The following CSMD2 variants were observed in gnomAD, a reference collection of about 807,000 sequenced individuals.
CSMD2 encodes the protein CUB and Sushi multiple domains 2.
A neutral mutation model predicts 398.5 loss-of-function variants in CSMD2; 130 were observed. The observed-to-expected ratio is 0.33, with a 90% CI of 0.28 to 0.38. The LOEUF (loss-of-function observed/expected upper bound fraction) is 0.38, where lower values mean the gene tolerates loss of function less well. Among genes scored for constraint, CSMD2 ranks in the 10% least tolerant of loss-of-function variants. The pLI, the probability that CSMD2 is intolerant of heterozygous loss-of-function variation, is 1.00. For missense variants in CSMD2, 3,829 were observed against 4,764.9 expected (o/e 0.80, Z 5.78); for synonymous variants, 1,828 against 1,908.5 (o/e 0.96, Z 1.10).
At chr1:33,871,532 G>A (rs919405954) in intron 5 of CSMD2, among the ~76,000 whole-genome samples, 2 of 152,170 alleles carry the variant, frequency 1.3e-5, no homozygotes, top group Non-Finnish European at 2.9e-5. Flanking sequence ...AAGGTCAAAG[G>A]GCTGCATCTG....
intron 5 of CSMD2, among the ~76,000 whole-genome samples, chr1:33,890,548 T>A (rs889970609): frequency 6.6e-6 from 1 of 151,554 alleles, no homozygotes; most frequent in Non-Finnish European, 1.5e-5. Flanking sequence ...TAAAATTAAA[T>A]TTTTTTTTGT....
chr1:34,140,672 G>A (rs1475973143), intron 1 of CSMD2, among the ~76,000 whole-genome samples: 1 of 152,148 alleles, frequency 6.6e-6, no homozygotes, highest in Non-Finnish European at 1.5e-5. Context: ...AGATTACTAT[G>A]CCCCTTACAC....
intron 1 of CSMD2, among the ~76,000 whole-genome samples, chr1:34,111,756 C>T (rs886892078): frequency 6.6e-6 from 1 of 152,094 alleles, no homozygotes; most frequent in Non-Finnish European, 1.5e-5. Flanking sequence ...ATAGGCTCTA[C>T]CACCTCACTG....
chr1:33,938,435 T>C (rs1375508656), intron 3 of CSMD2, among the ~76,000 whole-genome samples: 3 of 151,606 alleles, frequency 2.0e-5, no homozygotes, highest in Non-Finnish European at 4.4e-5. Context: ...TGTTGCTGGC[T>C]TACTTGGCAT....
chr1:34,038,462 T>G (rs950452118), intron 2 of CSMD2, among the ~76,000 whole-genome samples: 2 of 152,248 alleles, frequency 1.3e-5, no homozygotes, highest in African/African-American at 4.8e-5. Context: ...CCTTATTGTC[T>G]TCTCATTTTC....
At chr1:34,145,745 T>C (rs1051759593) in intron 1 of CSMD2, among the ~76,000 whole-genome samples, 3 of 152,128 alleles carry the variant, frequency 2.0e-5, no homozygotes, top group African/African-American at 4.8e-5. Context: ...CCCCTCCCCA[T>C]GGCAGTCTCA....
At chr1:34,151,023 G>GC (rs1347545530) in intron 1 of CSMD2, among the ~76,000 whole-genome samples, 6 of 152,186 alleles carry the variant, frequency 3.9e-5, no homozygotes, top group Non-Finnish European at 7.3e-5. Context: ...CCCAAGCACA[G>GC]CCTGCTGCTT....
At chr1:33,774,838 A>C (rs928725331) in intron 12 of CSMD2, among the ~76,000 whole-genome samples, 4 of 152,070 alleles carry the variant, frequency 2.6e-5, no homozygotes, top group African/African-American at 9.7e-5. Flanking sequence ...ACATCCACCC[A>C]CCCATCACTT....
In CSMD2 at chr1:34,020,952, A is replaced by G. The variant is rs1472455817; in HGVS notation, c.517+11642T>C. On this transcript the variant is annotated intron_variant, in intron 3 of 70. Coordinates refer to ENST00000373381, the MANE Select transcript of CSMD2 (RefSeq NM_001281956.2). ...CAACTCCTATCATGTAACGGCATCC[A>G]CAGGGGAAGGACAGGGATGCCATCT... Among the ~76,000 whole-genome samples the G allele has an allele frequency of 8.9e-4, 135 of 152,292 alleles. 2 individuals are homozygous for G. Among genetic ancestry groups the G allele is most frequent in the Non-Finnish European group, 1.0e-4 (7 of 68,024 alleles).
rs1187743281 is a variant in CSMD2 at position 33,518,846 on chromosome 1, A to G, written c.*53+619T>C. Among the ~76,000 whole-genome samples, 3 of 152,116 alleles carry G rather than the reference A, an allele frequency of 2.0e-5. No homozygotes were observed. The highest frequency in any genetic ancestry group is 7.2e-5 in the African/African-American group (3 of 41,412). ...TATATTTATTTATATTTCTATCTCT[A>G]TATAACATTTACATATAGCTCTACG... is the stretch of plus-strand genomic sequence containing the variant. On this transcript the variant is annotated intron_variant, in intron 70 of 70. Transcript: ENST00000373381. This position sits in a 1 kb window ranked among gnomAD's most constrained non-coding sequence, Gnocchi z 4.3.
intron 25 of CSMD2, among the ~76,000 whole-genome samples, chr1:33,670,359 C>G (rs533469593): frequency 6.6e-6 from 1 of 152,220 alleles, no homozygotes; most frequent in Non-Finnish European, 1.5e-5. Flanking sequence ...GATGAATGAA[C>G]GAATGGCTCA....
chr1:34,041,355 G>C lies in CSMD2; in HGVS notation c.405-8649C>G, dbSNP rs891867547. 3.3e-5 allele frequency among the ~76,000 whole-genome samples: 5 copies of C among 152,262 alleles called. No individual in the cohort carries two copies. The South Asian group carries it at 6.2e-4, about 19-fold the overall frequency. On this transcript the variant is annotated intron_variant, in intron 2 of 70. Coordinates refer to ENST00000373381, the MANE Select transcript of CSMD2 (RefSeq NM_001281956.2). ...CCTGAGGGTCTTCCTGGAATGCCAGGTCTATGTAAGACCTTGCTTGGGAGA... is the reference window on the plus strand; with the variant it reads ...CCTGAGGGTCTTCCTGGAATGCCAGCTCTATGTAAGACCTTGCTTGGGAGA...
At chr1:33,669,177 C>A (rs1012778205) in intron 25 of CSMD2, among the ~76,000 whole-genome samples, 2 of 152,106 alleles carry the variant, frequency 1.3e-5, no homozygotes, top group African/African-American at 4.8e-5. Flanking sequence ...CTGTCTGGTA[C>A]CAAAGGCCTT....
chr1:33,853,882 C>T (rs1638887384), intron 5 of CSMD2, among the ~76,000 whole-genome samples: 1 of 152,208 alleles, frequency 6.6e-6, no homozygotes, highest in African/African-American at 2.4e-5. Flanking sequence ...CCTCTGCTAT[C>T]AGGAGAGTGG....
chr1:33,833,856 A>G (rs1487658615), intron 6 of CSMD2, among the ~76,000 whole-genome samples: 1 of 151,890 alleles, frequency 6.6e-6, no homozygotes, highest in Admixed American at 6.6e-5. Flanking sequence ...TACACTAATA[A>G]CAGACAAACA....
intron 20 of CSMD2, 42 bp from the exon 21 acceptor site, chr1:33,714,817 G>A (rs1428357799): frequency 4.4e-6 from 7 of 1,600,960 alleles, no homozygotes; most frequent in Non-Finnish European, 6.0e-6. Context: ...GACATTGCGG[G>A]GAGACACAAA....
At position 33,801,248 on chromosome 1, in the gene CSMD2, T is replaced by A. The variant is rs542021281; in HGVS notation, c.1447-8722A>T. 3.3e-5 allele frequency among the ~76,000 whole-genome samples: 5 copies of A among 152,294 alleles called. No homozygotes were observed. In the East Asian group the frequency reaches 7.7e-4, roughly 24 times the overall value. ...GCTTTTCATTCTTTTCTAGCAAAGG[T>A]GGATTAACTATCCTGATCAAATCAA... is the stretch of plus-strand genomic sequence containing the variant. On this transcript the variant is annotated intron_variant, in intron 10 of 70. Coordinates refer to ENST00000373381, the MANE Select transcript of CSMD2 (RefSeq NM_001281956.2).
intron 2 of CSMD2, among the ~76,000 whole-genome samples, chr1:34,062,775 C>G (rs1192573721): frequency 2.0e-5 from 3 of 152,202 alleles, no homozygotes; most frequent in Non-Finnish European, 4.4e-5. Flanking sequence ...CCACAACTGA[C>G]AGTCCCTGGA....
intron 57 of CSMD2, among the ~76,000 whole-genome samples, chr1:33,544,469 C>A (rs894322561): frequency 7.9e-5 from 12 of 152,080 alleles, no homozygotes; most frequent in African/African-American, 2.9e-4. Flanking sequence ...AGCCATTTCT[C>A]CAGAGAGTCT....
Sources: allele counts gnomAD v4.1 joint callset (sites outside exome capture counted in the v4.1 genomes callset), GRCh38; gene constraint gnomAD v4.1.1; non-coding constraint Gnocchi (gnomAD v3.1); transcripts MANE v1.5; gene names NCBI Gene and HGNC (gene_info 2026-07-23, HGNC 2026-07-21).